The following CDH18 variants were observed in gnomAD, a reference collection of about 807,000 sequenced individuals.
The protein encoded by CDH18 is cadherin 18.
Under a neutral mutation model 67.9 loss-of-function variants are expected in CDH18, and 31 were observed. The observed-to-expected ratio is 0.46, with a 90% confidence interval of 0.34 to 0.62. The LOEUF is 0.62. Among genes scored for constraint, CDH18 ranks in the 20% least tolerant of loss-of-function variants. The pLI, the probability that CDH18 is intolerant of heterozygous loss-of-function variation, is 0.01. For missense variants in CDH18, 890 were observed against 975.5 expected (o/e 0.91, Z 1.17); for synonymous variants, 362 against 347.2 (o/e 1.04, Z -0.48).
At chr5:20,272,237 T>C (rs1745490325) in intron 1 of CDH18, among the ~76,000 whole-genome samples, 1 of 152,046 alleles carries the variant, frequency 6.6e-6, no homozygotes, top group East Asian at 1.9e-4. Context: ...GACACATTAA[T>C]TTAAGGACTG....
At chr5:19,704,761 C>T (rs921138251) in intron 5 of CDH18, among the ~76,000 whole-genome samples, 5 of 152,042 alleles carry the variant, frequency 3.3e-5, no homozygotes, top group African/African-American at 1.2e-4. Context: ...CACATAGCTC[C>T]AACATTTTCC....
At chr5:20,445,035 C>A (rs975932912) in intron 1 of CDH18, among the ~76,000 whole-genome samples, 2 of 152,024 alleles carry the variant, frequency 1.3e-5, no homozygotes, top group African/African-American at 4.8e-5. Flanking sequence ...TCTTTTCATG[C>A]CAAATCAAAA....
At chr5:20,013,910 G>T (rs1295094592) in intron 2 of CDH18, among the ~76,000 whole-genome samples, 4 of 152,034 alleles carry the variant, frequency 2.6e-5, no homozygotes, top group Non-Finnish European at 5.9e-5. Flanking sequence ...GCTGTTAACA[G>T]CAAGAAAAAT....
chr5:20,407,193 G>C (rs1562040232), intron 1 of CDH18, among the ~76,000 whole-genome samples: 1 of 152,138 alleles, frequency 6.6e-6, no homozygotes, highest in Non-Finnish European at 1.5e-5. Context: ...GAAAAATCAA[G>C]CTTTCATTTT....
chr5:20,143,706 G>A (rs1185309052), intron 2 of CDH18, among the ~76,000 whole-genome samples: 5 of 152,158 alleles, frequency 3.3e-5, no homozygotes, highest in African/African-American at 1.2e-4. Context: ...AAGGCATGGT[G>A]TGGTTTCTAC....
intron 2 of CDH18, among the ~76,000 whole-genome samples, chr5:19,967,685 G>A (rs945584420): frequency 5.9e-5 from 9 of 151,894 alleles, no homozygotes; most frequent in Admixed American, 4.6e-4. Context: ...GGTATCCTAC[G>A]TATCTCAAAA....
In CDH18 at chr5:19,473,610, G is replaced by A. The variant is rs367628466; in HGVS notation, c.1989C>T (p.Gly663=). The change falls in exon 13 of 13, where the codon GGC becomes GGT. Residue 663 remains glycine (G), a synonymous_variant. Transcript: ENST00000382275. ...CAAAGGCCTCTGTGTCTTCCTCTCC[G>A]CCTCCTTCATCATCATAGGTGACCA... is the stretch of plus-strand genomic sequence containing the variant. ...ENVVTYDDEG[G]GEEDTEAFDI... 20 of 1,613,584 alleles carry A rather than the reference G, an allele frequency of 1.2e-5. No homozygotes were observed. The highest frequency in any genetic ancestry group is 6.6e-5 in the South Asian group (6 of 91,058).
chr5:20,573,007 G>A (rs186146346), intron 1 of CDH18, among the ~76,000 whole-genome samples: 17 of 152,150 alleles, frequency 1.1e-4, no homozygotes, highest in African/African-American at 3.9e-4. Flanking sequence ...TGGAATGCAG[G>A]AGACATATTC....
chr5:19,570,418 C>G (rs911071045), intron 8 of CDH18, among the ~76,000 whole-genome samples: 1 of 152,070 alleles, frequency 6.6e-6, no homozygotes, highest in Non-Finnish European at 1.5e-5. Context: ...CATTTGTGCA[C>G]AGAAAATTGC....
At chr5:19,978,899 C>T (rs1367898354) in intron 2 of CDH18, among the ~76,000 whole-genome samples, 2 of 152,142 alleles carry the variant, frequency 1.3e-5, no homozygotes, top group African/African-American at 4.8e-5. Context: ...GCAACCATAA[C>T]CCTCCACTGC....
intron 5 of CDH18, among the ~76,000 whole-genome samples, chr5:19,701,704 C>A (rs1018682217): frequency 6.6e-6 from 1 of 151,994 alleles, no homozygotes; most frequent in African/African-American, 2.4e-5. Flanking sequence ...TATGACTGGG[C>A]AAGCAGGGGA....
intron 2 of CDH18, among the ~76,000 whole-genome samples, chr5:20,070,072 C>CT (rs1408183809): frequency 1.3e-5 from 2 of 152,160 alleles, no homozygotes; most frequent in Non-Finnish European, 2.9e-5. Flanking sequence ...TCCTTTCCCA[C>CT]TGTTTGTTCC....
chr5:20,089,247 A>ATT (rs1304315649), intron 2 of CDH18, among the ~76,000 whole-genome samples: 4 of 152,004 alleles, frequency 2.6e-5, no homozygotes, highest in Non-Finnish European at 4.4e-5. Flanking sequence ...TTGTTTCTTT[A>ATT]TTTTTTTATC....
chr5:20,372,192 C>T (rs557601760), intron 1 of CDH18, among the ~76,000 whole-genome samples: 1 of 152,096 alleles, frequency 6.6e-6, no homozygotes, highest in Non-Finnish European at 1.5e-5. Context: ...AGTGGAGAGA[C>T]CAAAGAGAGA....
chr5:20,072,965 T>C (rs1743614597), intron 2 of CDH18, among the ~76,000 whole-genome samples: 1 of 151,986 alleles, frequency 6.6e-6, no homozygotes, highest in Non-Finnish European at 1.5e-5. Flanking sequence ...GGAAATGATG[T>C]TTACATTTTG....
chr5:19,634,708 T>G (rs6869669), intron 5 of CDH18, among the ~76,000 whole-genome samples: 109,214 of 151,698 alleles, frequency 0.72, 39,758 homozygotes, highest in South Asian at 0.8. Context: ...AGCCTGAGGG[T>G]GGGTGGATCA....
chr5:19,919,520 T>C (rs950084560), intron 2 of CDH18, among the ~76,000 whole-genome samples: 4 of 152,150 alleles, frequency 2.6e-5, no homozygotes, highest in African/African-American at 9.7e-5. Flanking sequence ...TCAAATTAAA[T>C]TGTGGAACAT....
rs545420511 is a variant in CDH18, at chr5:19,513,168, C to A, written c.1512+7489G>T. Among the ~76,000 whole-genome samples, 5 of 152,100 alleles carry A rather than the reference C, an allele frequency of 3.3e-5. No individual in the cohort carries two copies. In the East Asian group the frequency reaches 9.7e-4, roughly 29 times the overall value. The stretch of plus-strand genomic sequence containing the variant: ...TGTTACCCAGGCTGGAGTGCAGTGG[C>A]AGGATCACAGCTCACTACAGACTTG... On this transcript the variant is annotated intron_variant, in intron 10 of 12. Transcript: ENST00000382275.
intron 5 of CDH18, among the ~76,000 whole-genome samples, chr5:19,708,426 C>G (rs1277844281): frequency 6.6e-6 from 1 of 152,052 alleles, no homozygotes; most frequent in Non-Finnish European, 1.5e-5. Context: ...ATAAAGCTGC[C>G]TTTGCTTTTA....
Sources: allele counts gnomAD v4.1 joint callset (sites outside exome capture counted in the v4.1 genomes callset), GRCh38; gene constraint gnomAD v4.1.1; transcripts MANE v1.5; gene names NCBI Gene and HGNC (gene_info 2026-07-23, HGNC 2026-07-21).